BCAS3: variants seen among roughly 807,000 people sequenced by gnomAD.
BCAS3 encodes the protein BCAS3 microtubule associated cell migration factor.
A neutral mutation model predicts 116.1 loss-of-function variants in BCAS3; 53 were observed. The observed-to-expected ratio is 0.46, with a 90% CI of 0.37 to 0.57. The LOEUF (loss-of-function observed/expected upper bound fraction) is 0.57, where lower values mean the gene tolerates loss of function less well. Among genes scored for constraint, BCAS3 ranks in the 20% least tolerant of loss-of-function variants. BCAS3 has a pLI of 0.00. For synonymous variants in BCAS3, 391 were observed against 408.2 expected, an observed-to-expected ratio of 0.96 and a Z score of 0.51; for missense variants, 917 against 1,165.4, an observed-to-expected ratio of 0.79 and a Z score of 3.10.
At chr17:61,299,919 G>A (rs999152856) in intron 22 of BCAS3, among the ~76,000 whole-genome samples, 3 of 152,154 alleles carry the variant, frequency 2.0e-5, no homozygotes, top group African/African-American at 7.2e-5. Context: ...GTGTATGCAC[G>A]TGCATGAAAA....
intron 22 of BCAS3, among the ~76,000 whole-genome samples, chr17:61,093,588 C>A (rs1434858193): frequency 2.0e-5 from 3 of 151,690 alleles, no homozygotes; most frequent in African/African-American, 7.3e-5. Flanking sequence ...CCTTGTTTAA[C>A]AAACAAAAAA....
At chr17:60,921,476 A>C (rs6504007) in intron 12 of BCAS3, among the ~76,000 whole-genome samples, 1 of 151,036 alleles carries the variant, frequency 6.6e-6, no homozygotes, top group African/African-American at 2.4e-5. Context: ...AGCCGGGCGT[A>C]GTGGCGGGCG....
chr17:60,947,113 T>C, intron 13 of BCAS3, 106 bp from the exon 14 acceptor site: 1 of 1,151,488 alleles, frequency 8.7e-7, no homozygotes, highest in South Asian at 1.6e-5. Context: ...GCCTTGGTAA[T>C]TTTTTTCCCA....
intron 9 of BCAS3, among the ~76,000 whole-genome samples, chr17:60,882,407 C>G (rs1366722348): frequency 6.7e-6 from 1 of 148,520 alleles, no homozygotes; most frequent in Non-Finnish European, 1.5e-5. Context: ...TTCACTCTGA[C>G]GGTAGTTTCT....
chr17:60,733,694 A>G (rs2040688821), intron 5 of BCAS3, among the ~76,000 whole-genome samples: 1 of 152,000 alleles, frequency 6.6e-6, no homozygotes, highest in Non-Finnish European at 1.5e-5. Flanking sequence ...AAATTTTTAA[A>G]AAGTTAGCTG....
At chr17:61,125,332 A>C (rs1460808550) in intron 22 of BCAS3, among the ~76,000 whole-genome samples, 1 of 152,176 alleles carries the variant, frequency 6.6e-6, no homozygotes, top group Non-Finnish European at 1.5e-5. Context: ...CAGCCTGTGA[A>C]AGAAAATGTG....
intron 22 of BCAS3, among the ~76,000 whole-genome samples, chr17:61,289,545 G>A (rs1011297120): frequency 6.6e-6 from 1 of 152,142 alleles, no homozygotes; most frequent in East Asian, 1.9e-4. Flanking sequence ...GAGTAAGAGG[G>A]ACGCCAGCCT....
rs1313112638 is a variant in BCAS3 at position 61,082,807 on chromosome 17, AT to A, written c.2328-1659del. ...AGAAAAATTAGCTGGGGTGGAATGAATATTGGGTAGTCCTACATAGCAGTGA... is the reference window on the plus strand; with the variant it reads ...AGAAAAATTAGCTGGGGTGGAATGAAATTGGGTAGTCCTACATAGCAGTGA... On this transcript the variant is annotated intron_variant, in intron 21 of 23. Transcript: ENST00000407086. This position sits in a 1 kb window ranked among gnomAD's most constrained non-coding sequence, Gnocchi z 5.1. Among the ~76,000 whole-genome samples, 7 of 152,224 alleles carry A rather than the reference AT, an allele frequency of 4.6e-5. No homozygotes were observed. Among genetic ancestry groups the A allele is most frequent in the Non-Finnish European group, 1.0e-4 (7 of 68,044 alleles).
At chr17:61,123,024 C>T (rs2075865964) in intron 22 of BCAS3, among the ~76,000 whole-genome samples, 1 of 151,618 alleles carries the variant, frequency 6.6e-6, no homozygotes, top group Non-Finnish European at 1.5e-5. Flanking sequence ...TCACTGCAAC[C>T]TCCTCCTCCC....
intron 7 of BCAS3, among the ~76,000 whole-genome samples, chr17:60,848,185 G>C (rs2052699490): frequency 6.6e-6 from 1 of 152,144 alleles, no homozygotes; most frequent in Non-Finnish European, 1.5e-5. Flanking sequence ...CAGTTTCACA[G>C]TATTTTGATA....
chr17:61,246,729 A>G (rs929757070), intron 22 of BCAS3, among the ~76,000 whole-genome samples: 1 of 151,962 alleles, frequency 6.6e-6, no homozygotes. Context: ...TTTTAATACA[A>G]TATCAACCAT....
chr17:61,288,213 A>G (rs1442799977), intron 22 of BCAS3, among the ~76,000 whole-genome samples: 1 of 152,196 alleles, frequency 6.6e-6, no homozygotes, highest in African/African-American at 2.4e-5. Flanking sequence ...GTGGGGAGGG[A>G]AAGTGTAAGG....
rs1359296598 is a variant in BCAS3, at chr17:61,337,964, T to C, written c.2426-30363T>C. Among the ~76,000 whole-genome samples, 1 of 152,236 alleles carries C rather than the reference T, an allele frequency of 6.6e-6. No individual in the cohort carries two copies. The highest frequency in any genetic ancestry group is 2.4e-5 in the African/African-American group (1 of 41,460). ...CCACAGCTCTAGGGTATTGTTAGTC[T>C]GGGTTCTGACTTAGGAACTGCAGCG... On this transcript the variant is annotated intron_variant, in intron 22 of 23. Coordinates refer to ENST00000407086, the MANE Select transcript of BCAS3 (RefSeq NM_017679.5). This position sits in a 1 kb window ranked among gnomAD's most constrained non-coding sequence, Gnocchi z 4.8.
chr17:61,227,516 G>A lies in BCAS3; in HGVS notation c.2426-140811G>A, dbSNP rs114782364. Among the ~76,000 whole-genome samples the A allele has an allele frequency of 5.4e-3, 817 of 152,328 alleles. 5 individuals carry two copies. Among genetic ancestry groups the A allele is most frequent in the Middle Eastern group, 0.02 (6 of 294 alleles). ...TCTTTAGCTTTTGGGAGGAATTTGT[G>A]TTTGCCCATGAATGAAGTGAAATGA... On this transcript the variant is annotated intron_variant, in intron 22 of 23. Coordinates refer to ENST00000407086, the MANE Select transcript of BCAS3 (RefSeq NM_017679.5). This position sits in a 1 kb window ranked among gnomAD's most constrained non-coding sequence, Gnocchi z 6.1.
intron 22 of BCAS3, among the ~76,000 whole-genome samples, chr17:61,168,881 G>C (rs118017190): frequency 1.3e-5 from 2 of 152,286 alleles, no homozygotes; most frequent in Non-Finnish European, 2.9e-5. Flanking sequence ...GAAATGTCTA[G>C]AGTAGTATAA....
chr17:60,734,811 T>G (rs2040808442), intron 5 of BCAS3, among the ~76,000 whole-genome samples: 1 of 152,204 alleles, frequency 6.6e-6, no homozygotes, highest in Admixed American at 6.5e-5. Context: ...ATTCTGAATT[T>G]TTTACCTCTC....
intron 6 of BCAS3, among the ~76,000 whole-genome samples, 190 bp from the exon 7 acceptor site, chr17:60,807,814 A>T (rs2048419056): frequency 2.0e-5 from 3 of 151,418 alleles, no homozygotes; most frequent in Non-Finnish European, 2.9e-5. Context: ...TTCAGTTTTT[A>T]AAATGATTAC....
chr17:60,863,442 C>T (rs1048804775), intron 7 of BCAS3, among the ~76,000 whole-genome samples: 2 of 151,750 alleles, frequency 1.3e-5, no homozygotes, highest in Non-Finnish European at 2.9e-5. Flanking sequence ...TTTGGTTTCC[C>T]AGTGCATATA....
intron 22 of BCAS3, among the ~76,000 whole-genome samples, chr17:61,103,886 C>A (rs1233645500): frequency 1.3e-5 from 2 of 152,162 alleles, no homozygotes; most frequent in African/African-American, 4.8e-5. Flanking sequence ...TTGTTCTTGG[C>A]ATAAATTTGG....
Sources: allele counts gnomAD v4.1 joint callset (sites outside exome capture counted in the v4.1 genomes callset), GRCh38; gene constraint gnomAD v4.1.1; non-coding constraint Gnocchi (gnomAD v3.1); transcripts MANE v1.5; gene names NCBI Gene and HGNC (gene_info 2026-07-23, HGNC 2026-07-21).